CLTC: variants seen among roughly 807,000 people sequenced by gnomAD.
CLTC encodes the protein clathrin heavy chain.
Under a neutral mutation model 195.8 loss-of-function variants are expected in CLTC, and 16 were observed. That is an observed-to-expected ratio of 0.08 (90% CI 0.06 to 0.12). The LOEUF (loss-of-function observed/expected upper bound fraction) is 0.12. CLTC is among the 10% of genes least tolerant of loss of function. The pLI is 1.00. For missense variants in CLTC, 796 were observed against 2,027.0 expected (o/e 0.39, Z 11.66); for synonymous variants, 667 against 689.4 (o/e 0.97, Z 0.51).
At chr17:59,662,477 C>T (rs1041333854) in intron 8 of CLTC, among the ~76,000 whole-genome samples, 3 of 152,132 alleles carry the variant, frequency 2.0e-5, no homozygotes, top group Admixed American at 6.5e-5. Context: ...TCCTTTCACA[C>T]CACCACATAA....
In CLTC at chr17:59,620,273, G is replaced by C. The variant is rs1033879849; in HGVS notation, c.42+100G>C. ...CGAGCAGTATCGGAGCTGGAGGGGC[G>C]GGGGGGTTGTCGGTGATTGGGGTAG... On this transcript the variant is annotated intron_variant, in intron 1 of 31. Transcript: ENST00000269122. 9.6e-6 allele frequency: 12 copies of C among 1,255,802 alleles called. No individual in the cohort carries two copies. The African/African-American group carries it at 1.3e-4, about 14-fold the overall frequency. 77.8% of individuals were successfully genotyped at this position (1,255,802 alleles called of 1,614,324 possible).
In CLTC at chr17:59,694,548, C is replaced by T; in HGVS notation, c.*696C>T. ...TGTTGTGCTGTATCCTGTGCTTTTTCTGTGGGACCATTCCATTCAGGAGCA... is the reference window on the plus strand; with the variant it reads ...TGTTGTGCTGTATCCTGTGCTTTTTTTGTGGGACCATTCCATTCAGGAGCA... On this transcript the variant is annotated 3_prime_UTR_variant, in exon 32 of 32. Transcript: ENST00000269122. The T allele has an allele frequency of 8.8e-6, 2 of 227,824 alleles. No individual in the cohort carries two copies. Among genetic ancestry groups the T allele is most frequent in the Non-Finnish European group, 1.7e-5 (2 of 114,396 alleles). The allele number at this position is 227,824 out of a possible 1,614,324, so 14.1% of individuals were successfully genotyped here. A position where few individuals can be genotyped will look rare whatever the true frequency, so the allele number is the denominator to read the frequency against.
intron 4 of CLTC, among the ~76,000 whole-genome samples, chr17:59,650,574 A>G (rs773670550): frequency 6.6e-5 from 9 of 137,152 alleles, no homozygotes; most frequent in Non-Finnish European, 1.2e-4. Flanking sequence ...TGCAACCTCC[A>G]CCTCCTGGGT....
chr17:59,620,651 T>G (rs1295699824), intron 1 of CLTC, among the ~76,000 whole-genome samples: 2 of 151,478 alleles, frequency 1.3e-5, no homozygotes, highest in African/African-American at 4.9e-5. Flanking sequence ...AGGAGCAACC[T>G]TTTTTTTCCC....
chr17:59,684,171 C>T (rs2033131672), intron 28 of CLTC, 186 bp downstream of exon 28: 1 of 554,812 alleles, frequency 1.8e-6, no homozygotes, highest in Non-Finnish European at 3.2e-6. Flanking sequence ...GAATTTTGCT[C>T]AGATCTTGTA....
At chr17:59,665,839 T>A (rs2032718144) in intron 10 of CLTC, among the ~76,000 whole-genome samples, 1 of 152,044 alleles carries the variant, frequency 6.6e-6, no homozygotes, top group African/African-American at 2.4e-5. Context: ...AAACTCTGCC[T>A]CAAAAAAATA....
chr17:59,620,160 A>G lies in CLTC; in HGVS notation c.29A>G (p.Gln10Arg). The G allele has an allele frequency of 6.2e-7, 1 of 1,614,004 alleles. No individual in the cohort carries two copies. Residue 10 changes from glutamine (Q) to arginine (R), a missense_variant, in exon 1 of 32, where the codon CAG (glutamine) becomes CGG (arginine). Around this residue, in one of 9 missense-constraint regions of CLTC, gnomAD observed 24 missense variants for 29.8 expected, o/e 0.81. Transcript: ENST00000269122. ...GCCCAGATTCTGCCAATTCGTTTTCAGGAGCATCTCCAGGTGCGGCCGGGC... is the reference window on the plus strand; with the variant it reads ...GCCCAGATTCTGCCAATTCGTTTTCGGGAGCATCTCCAGGTGCGGCCGGGC... MAQILPIRF[Q>R]EHLQLQNLGI...
intron 1 of CLTC, among the ~76,000 whole-genome samples, chr17:59,637,361 C>T (rs190857602): frequency 0.02 from 3,091 of 151,560 alleles, 50 homozygotes; most frequent in Non-Finnish European, 0.031. Context: ...TCTCCTGCCT[C>T]AGCCTCCCGA....
chr17:59,690,553 A>T, intron 30 of CLTC, 83 bp from the exon 31 acceptor site: 1 of 911,634 alleles, frequency 1.1e-6, no homozygotes, highest in South Asian at 1.5e-5. Flanking sequence ...AATTTAACAT[A>T]CTAAGGCTTT....
intron 2 of CLTC, 117 bp from the exon 3 acceptor site, chr17:59,647,281 T>C (rs2032221054): frequency 1.3e-6 from 1 of 748,754 alleles, no homozygotes; most frequent in Non-Finnish European, 2.2e-6. Flanking sequence ...GCTGTATCGA[T>C]GCAACTCGTC....
Position 59,673,671 on chromosome 17 carries a change from C to T in CLTC, c.2317C>T (p.Pro773Ser), listed in dbSNP as rs755766574. 1 of 1,611,804 alleles carries T rather than the reference C, an allele frequency of 6.2e-7. No individual in the cohort carries two copies. Among genetic ancestry groups the T allele is most frequent in the Non-Finnish European group, 8.5e-7 (1 of 1,178,424 alleles). The change falls in exon 15 of 32, where the codon CCA (proline) becomes TCA (serine). Residue 773 changes from proline to serine, a missense_variant. Transcript: ENST00000269122. ...GGAAGCAAAACTAACAGATCAGCTA[C>T]CACTTATCATTGTGTGTGATCGATT... Reference protein sequence around the residue: ...LKEAKLTDQLPLIIVCDRFDF... With the variant: ...LKEAKLTDQLSLIIVCDRFDF...
chr17:59,687,101 T>C, intron 30 of CLTC: 1 of 701,964 alleles, frequency 1.4e-6, no homozygotes, highest in African/African-American at 1.9e-5. Flanking sequence ...CTTCCTCTTC[T>C]ACACTGCTGC....
Position 59,681,460 on chromosome 17 carries a change from C to T in CLTC, c.3231C>T (p.Val1077=), listed in dbSNP as rs2033079670. 1 of 1,613,866 alleles carries T rather than the reference C, an allele frequency of 6.2e-7. No individual in the cohort carries two copies. The highest frequency in any genetic ancestry group is 2.2e-5 in the East Asian group (1 of 44,862). Residue 1077 remains valine (V), a synonymous_variant, in exon 20 of 32, where the codon GTC becomes GTT. Transcript: ENST00000269122. The surrounding 1 kb of genome is among the most constrained non-coding windows in gnomAD (Gnocchi z 5.0). ...TTGCCATTTTCCGGAAATTTGATGT[C>T]AATACTTCAGCAGTTCAGGTAAATC... ...EAFAIFRKFD[V]NTSAVQVLIE...
At chr17:59,641,278 A>G (rs776809971) in intron 1 of CLTC, among the ~76,000 whole-genome samples, 34 of 152,178 alleles carry the variant, frequency 2.2e-4, no homozygotes, top group African/African-American at 8.2e-4. Context: ...GTAGAGGCTG[A>G]GGGAGAGAGG....
chr17:59,682,891 G>A lies in CLTC; in HGVS notation c.3766-16G>A. ...GTTTTACATTTGAGTTCACAGAAAGGAAATGTTTATTCTAGGTCTGCTTCG... is the reference window on the plus strand; with the variant it reads ...GTTTTACATTTGAGTTCACAGAAAGAAAATGTTTATTCTAGGTCTGCTTCG... On this transcript the variant is annotated splice_polypyrimidine_tract_variant and intron_variant, in intron 23 of 31. Transcript: ENST00000269122. The surrounding 1 kb of genome is among the most constrained non-coding windows in gnomAD (Gnocchi z 6.8). The A allele has an allele frequency of 6.2e-7, 1 of 1,613,076 alleles. No homozygotes were observed. Among genetic ancestry groups the A allele is most frequent in the Non-Finnish European group, 8.5e-7 (1 of 1,179,320 alleles).
At chr17:59,690,177 A>G (rs2033266103) in intron 30 of CLTC, 1 of 153,140 alleles carries the variant, frequency 6.5e-6, no homozygotes, top group Non-Finnish European at 1.5e-5. Flanking sequence ...ATCAGAAGTT[A>G]TACACAATTG....
intron 1 of CLTC, among the ~76,000 whole-genome samples, chr17:59,621,621 C>G (rs745616935): frequency 6.6e-6 from 1 of 151,978 alleles, no homozygotes; most frequent in Non-Finnish European, 1.5e-5. Context: ...AAATTTTTAC[C>G]CATAAAATGA....
At chr17:59,626,271 G>A (rs374873970) in intron 1 of CLTC, among the ~76,000 whole-genome samples, 2 of 152,044 alleles carry the variant, frequency 1.3e-5, no homozygotes, top group African/African-American at 2.4e-5. Context: ...TTATGTGTTC[G>A]AACATTTGAT....
At chr17:59,680,038 A>G (rs1431876033) in intron 18 of CLTC, among the ~76,000 whole-genome samples, 2 of 152,092 alleles carry the variant, frequency 1.3e-5, no homozygotes, top group Admixed American at 1.3e-4. Context: ...TAAGAGCAAG[A>G]CTGTCTCAAA....
Sources: gnomAD v4.1 joint callset for allele counts (sites outside exome capture counted in the v4.1 genomes callset) on GRCh38, gnomAD v4.1.1 for gene constraint, gnomAD v4.1.1 regional missense constraint, Gnocchi (gnomAD v3.1) non-coding constraint, MANE v1.5 for transcripts, NCBI Gene and HGNC (gene_info 2026-07-23, HGNC 2026-07-21) for gene names.